The following WWOX variants were observed in gnomAD, a reference collection of about 807,000 sequenced individuals.
The protein encoded by WWOX is WW domain containing oxidoreductase.
In WWOX, 69 loss-of-function variants were observed where a neutral mutation model predicts 46.2. The ratio of observed to expected loss-of-function variants is 1.49; its 90% CI spans 1.23 to 1.82. The LOEUF (loss-of-function observed/expected upper bound fraction) is 1.82, where lower values mean the gene tolerates loss of function less well. Ranked by LOEUF, WWOX falls within the 40% of genes most tolerant of loss-of-function variation. WWOX has a pLI of 0.00. For synonymous variants in WWOX, 359 were observed against 202.6 expected, an observed-to-expected ratio of 1.77 and a Z score of -6.56; for missense variants, 919 against 542.6, an observed-to-expected ratio of 1.69 and a Z score of -6.89.
intron 6 of WWOX, among the ~76,000 whole-genome samples, chr16:78,411,431 A>T (rs945825195): frequency 1.3e-5 from 2 of 152,100 alleles, no homozygotes; most frequent in Admixed American, 6.5e-5. Context: ...AACAATTAGG[A>T]ATTTGACAGA....
intron 8 of WWOX, among the ~76,000 whole-genome samples, chr16:78,967,170 A>T (rs2046377116): frequency 6.6e-6 from 1 of 152,006 alleles, no homozygotes; most frequent in Non-Finnish European, 1.5e-5. Flanking sequence ...TGAGAAGCCC[A>T]TCAGCCCTGA....
At chr16:78,210,482 C>G (rs900914891) in intron 5 of WWOX, among the ~76,000 whole-genome samples, 1 of 152,218 alleles carries the variant, frequency 6.6e-6, no homozygotes, top group Middle Eastern at 3.4e-3. Flanking sequence ...CTGACACACA[C>G]ACGCGCGTGC....
At chr16:78,554,862 T>C (rs1349437976) in intron 8 of WWOX, among the ~76,000 whole-genome samples, 1 of 152,114 alleles carries the variant, frequency 6.6e-6, no homozygotes, top group Non-Finnish European at 1.5e-5. Flanking sequence ...AAGACAGAGG[T>C]GGGACCTGGT....
intron 8 of WWOX, among the ~76,000 whole-genome samples, chr16:79,112,213 CA>C (rs1482379052): frequency 1.3e-5 from 2 of 152,134 alleles, no homozygotes. Context: ...ACATGCCAAA[CA>C]GACTCTTGGT....
At chr16:78,244,865 A>G (rs28614787) in intron 5 of WWOX, among the ~76,000 whole-genome samples, 1 of 152,150 alleles carries the variant, frequency 6.6e-6, no homozygotes, top group Non-Finnish European at 1.5e-5. Context: ...GCTATTTCTC[A>G]TACACAATAG....
At chr16:78,417,753 A>G (rs77490793) in intron 6 of WWOX, among the ~76,000 whole-genome samples, 2,252 of 152,284 alleles carry the variant, frequency 0.015, 48 homozygotes, top group East Asian at 0.063. Context: ...CGGTGCTTCA[A>G]AGGATTTCTG....
intron 8 of WWOX, among the ~76,000 whole-genome samples, chr16:78,988,660 A>G (rs2046827393): frequency 6.6e-6 from 1 of 152,208 alleles, no homozygotes. Context: ...ATATTGGTCA[A>G]CTTTTTCAGG....
chr16:79,089,475 G>A (rs1359982146), intron 8 of WWOX, among the ~76,000 whole-genome samples: 1 of 151,828 alleles, frequency 6.6e-6, no homozygotes, highest in Non-Finnish European at 1.5e-5. Flanking sequence ...GGGACTACAG[G>A]CACACGCCAC....
intron 5 of WWOX, among the ~76,000 whole-genome samples, chr16:78,198,923 G>C (rs568534297): frequency 5.4e-4 from 82 of 152,146 alleles, no homozygotes; most frequent in Non-Finnish European, 9.0e-4. Context: ...CTCATAAGAA[G>C]AGGCTGTTTG....
At chr16:78,833,326 C>G (rs745826681) in intron 8 of WWOX, among the ~76,000 whole-genome samples, 3 of 152,082 alleles carry the variant, frequency 2.0e-5, no homozygotes, top group Non-Finnish European at 2.9e-5. Flanking sequence ...GGATGACAAG[C>G]TCTTTCTTTA....
intron 8 of WWOX, among the ~76,000 whole-genome samples, chr16:79,008,220 C>T (rs1007349683): frequency 6.6e-6 from 1 of 152,192 alleles, no homozygotes; most frequent in Admixed American, 6.5e-5. Context: ...CAGGCCCTAT[C>T]CACAGATGAC....
intron 8 of WWOX, among the ~76,000 whole-genome samples, chr16:78,954,667 G>A (rs1488282215): frequency 1.3e-5 from 2 of 152,148 alleles, no homozygotes; most frequent in Admixed American, 6.5e-5. Flanking sequence ...AGAAGCATAG[G>A]CACATAAATA....
intron 8 of WWOX, among the ~76,000 whole-genome samples, chr16:78,534,063 A>G (rs1032375878): frequency 1.3e-5 from 2 of 152,212 alleles, no homozygotes; most frequent in African/African-American, 4.8e-5. Flanking sequence ...AATATTGTAA[A>G]TCATATTTGG....
chr16:78,775,189 C>G (rs1021548666), intron 8 of WWOX, among the ~76,000 whole-genome samples: 4 of 152,172 alleles, frequency 2.6e-5, no homozygotes, highest in Non-Finnish European at 5.9e-5. Flanking sequence ...CCTCTCCTCT[C>G]TTCTGCCTGT....
At chr16:78,778,840 G>T (rs958291980) in intron 8 of WWOX, among the ~76,000 whole-genome samples, 2 of 152,094 alleles carry the variant, frequency 1.3e-5, no homozygotes, top group Admixed American at 1.3e-4. Flanking sequence ...GTAAAGCCCC[G>T]GCGTCTCCTC....
chr16:78,608,179 G>C (rs1365458812), intron 8 of WWOX, among the ~76,000 whole-genome samples: 2 of 151,968 alleles, frequency 1.3e-5, no homozygotes, highest in Non-Finnish European at 1.5e-5. Context: ...GGCCCTTCCT[G>C]GTAAATCTAA....
intron 8 of WWOX, among the ~76,000 whole-genome samples, chr16:78,915,557 G>A (rs2045229038): frequency 6.6e-6 from 1 of 152,062 alleles, no homozygotes; most frequent in Non-Finnish European, 1.5e-5. Context: ...GGCATTTGAA[G>A]ATTTAAAAAA....
chr16:78,406,305 T>C (rs1315158195), intron 6 of WWOX, among the ~76,000 whole-genome samples: 3 of 8,148 alleles, frequency 3.7e-4, no homozygotes, highest in African/African-American at 1.2e-3. Flanking sequence ...TAAATATAAA[T>C]ATATATATAT....
rs182757244 is a variant in WWOX, at chr16:78,798,228, C to G, written c.1056+365476C>G. Among the ~76,000 whole-genome samples, 13 of 152,166 alleles carry G rather than the reference C, an allele frequency of 8.5e-5. No individual in the cohort carries two copies. In the East Asian group the frequency reaches 2.5e-3, roughly 29 times the overall value. ...AAAGGATAGCCTTGTTATTTTTAAT[C>G]CAAACTGAAGTTATGCTTTGGGCTT... is the stretch of plus-strand genomic sequence containing the variant. On this transcript the variant is annotated intron_variant, in intron 8 of 8. Coordinates refer to ENST00000566780, the MANE Select transcript of WWOX (RefSeq NM_016373.4).
Sources: allele counts gnomAD v4.1 joint callset (sites outside exome capture counted in the v4.1 genomes callset), GRCh38; gene constraint gnomAD v4.1.1; transcripts MANE v1.5; gene names NCBI Gene and HGNC (gene_info 2026-07-23, HGNC 2026-07-21).